The following CRACD variants were observed in gnomAD, a reference collection of about 807,000 sequenced individuals.
CRACD encodes capping protein-inhibiting regulator of actin dynamics.
CRACD carries 56 observed loss-of-function variants against 106.8 expected under a neutral mutation model. The observed-to-expected ratio is 0.52, with a 90% CI of 0.42 to 0.66. The LOEUF is 0.66. Among genes scored for constraint, CRACD ranks in the 30% least tolerant of loss-of-function variants. CRACD has a pLI of 0.00. For missense variants in CRACD, 1,730 were observed against 1,623.2 expected (o/e 1.07, Z -1.13); for synonymous variants, 754 against 670.8 (o/e 1.12, Z -1.92).
At chr4:56,237,439 A>G (rs1038952579) in intron 2 of CRACD, among the ~76,000 whole-genome samples, 1 of 152,166 alleles carries the variant, frequency 6.6e-6, no homozygotes, top group African/African-American at 2.4e-5. Context: ...AGTAAGAAAG[A>G]TGGACCTTAG....
chr4:56,133,457 C>G (rs1033106403), intron 1 of CRACD, among the ~76,000 whole-genome samples: 1 of 152,184 alleles, frequency 6.6e-6, no homozygotes, highest in Admixed American at 6.5e-5. Flanking sequence ...ATCAATCAAT[C>G]AAGCTATCAA....
rs981335130 is a variant in CRACD, at chr4:56,308,915, G to C, written c.285+1216G>C. 8 of 1,288,770 alleles carry C rather than the reference G, an allele frequency of 6.2e-6. No individual in the cohort carries two copies. The South Asian group carries it at 9.9e-5, about 16-fold the overall frequency. The allele number at this position is 1,288,770 out of a possible 1,614,324, so 79.8% of individuals were successfully genotyped here. A position where few individuals can be genotyped will look rare whatever the true frequency, so the allele number is the denominator to read the frequency against. ...GGCACTGTGGCCTGGGGGATTGTTTGTTCAGCAGGCTCTGTCTCAGATATG... is the reference window on the plus strand; with the variant it reads ...GGCACTGTGGCCTGGGGGATTGTTTCTTCAGCAGGCTCTGTCTCAGATATG... On this transcript the variant is annotated intron_variant, in intron 5 of 10. Transcript: ENST00000682029.
At chr4:56,277,427 C>A (rs1742735650) in intron 3 of CRACD, among the ~76,000 whole-genome samples, 1 of 147,782 alleles carries the variant, frequency 6.8e-6, no homozygotes. Flanking sequence ...AACTATTTGA[C>A]AAGATCCAAC....
At chr4:56,234,594 A>G (rs1406010806) in intron 2 of CRACD, among the ~76,000 whole-genome samples, 1 of 152,198 alleles carries the variant, frequency 6.6e-6, no homozygotes, top group Non-Finnish European at 1.5e-5. Context: ...TAAAAATATT[A>G]TTTTTGTAAA....
At chr4:56,130,539 ATCTT>A (rs1283218494) in intron 1 of CRACD, among the ~76,000 whole-genome samples, 2 of 151,966 alleles carry the variant, frequency 1.3e-5, no homozygotes, top group Admixed American at 1.3e-4. Context: ...ATCACTCCTT[ATCTT>A]TCTATTTTAT....
chr4:56,177,807 A>C (rs1736650884), intron 1 of CRACD, among the ~76,000 whole-genome samples: 2 of 152,166 alleles, frequency 1.3e-5, no homozygotes, highest in Non-Finnish European at 2.9e-5. Flanking sequence ...ACAATTGTTC[A>C]TAATAGTCTC....
intron 5 of CRACD, among the ~76,000 whole-genome samples, chr4:56,309,988 C>A (rs995827533): frequency 6.7e-6 from 1 of 148,266 alleles, no homozygotes; most frequent in Non-Finnish European, 1.5e-5. Context: ...AGCTGTACTC[C>A]AGCCTGGGAG....
chr4:56,248,293 G>A (rs899034930), intron 2 of CRACD, among the ~76,000 whole-genome samples: 7 of 152,084 alleles, frequency 4.6e-5, no homozygotes, highest in African/African-American at 9.7e-5. Flanking sequence ...GGAAAAATGC[G>A]CATTTGAGGG....
At chr4:56,189,934 G>T (rs1737290206) in intron 2 of CRACD, among the ~76,000 whole-genome samples, 2 of 146,420 alleles carry the variant, frequency 1.4e-5, no homozygotes, top group Non-Finnish European at 3.0e-5. Context: ...TCATCATCTA[G>T]CATTAGGTAT....
At chr4:56,064,904 G>A (rs2109789777) in intron 1 of CRACD, among the ~76,000 whole-genome samples, 1 of 152,166 alleles carries the variant, frequency 6.6e-6, no homozygotes, top group East Asian at 1.9e-4. Context: ...GGACATGGAC[G>A]GGTCCCAAAT....
intron 1 of CRACD, among the ~76,000 whole-genome samples, chr4:56,171,969 C>T (rs985751400): frequency 6.9e-5 from 10 of 145,546 alleles, no homozygotes; most frequent in Non-Finnish European, 1.2e-4. Flanking sequence ...GATGGAGGAA[C>T]AGAATTTCTG....
Position 56,183,295 on chromosome 4 carries a change from T to A in CRACD, c.-189+3865T>A, listed in dbSNP as rs182676615. On this transcript the variant is annotated intron_variant, in intron 2 of 10. Coordinates refer to ENST00000682029, the MANE Select transcript of CRACD (RefSeq NM_001393381.1). ...TAAAATAAAATAAAATAAAAAGAAT[T>A]AGGGGATTTTGAAAGCCTTGAATAT... 2.0e-3 allele frequency among the ~76,000 whole-genome samples: 299 copies of A among 149,430 alleles called. 1 individual carries two copies. The highest frequency in any genetic ancestry group is 7.0e-3 in the African/African-American group (286 of 40,814).
rs572003455 is a variant in CRACD, at chr4:56,214,652, A to ACTCT, written c.-189+35249_-189+35252dup. On this transcript the variant is annotated intron_variant, in intron 2 of 10. Transcript: ENST00000682029. ...CTCCAGCCTGGCGACAGAGCTAGAC[A>ACTCT]CTCTCTCTCTCTCTCTCTCTCTCTC... Among the ~76,000 whole-genome samples, 228 of 101,854 alleles carry ACTCT rather than the reference A, an allele frequency of 2.2e-3. 8 individuals carry two copies. Among genetic ancestry groups the ACTCT allele is most frequent in the South Asian group, 0.011 (28 of 2,512 alleles). 66.8% of individuals were successfully genotyped at this position (101,854 alleles called of 152,430 possible).
At chr4:56,064,316 C>G (rs1007626612) in intron 1 of CRACD, among the ~76,000 whole-genome samples, 1 of 152,140 alleles carries the variant, frequency 6.6e-6, no homozygotes, top group African/African-American at 2.4e-5. Flanking sequence ...GGATAGTGTT[C>G]ACATGTTTTC....
At chr4:56,164,336 G>A (rs1456892373) in intron 1 of CRACD, among the ~76,000 whole-genome samples, 13 of 151,418 alleles carry the variant, frequency 8.6e-5, no homozygotes, top group African/African-American at 2.9e-4. Flanking sequence ...AGGTTTCACC[G>A]TGTTAGCCAG....
rs1199456920 is a variant in CRACD at position 56,050,894 on chromosome 4, CA to C, written c.-336+1596del. Among the ~76,000 whole-genome samples the C allele has an allele frequency of 2.0e-5, 3 of 152,160 alleles. No homozygotes were observed. The East Asian group carries it at 5.8e-4, about 29-fold the overall frequency. The stretch of plus-strand genomic sequence containing the variant: ...TAAAGACTTAGCAGTACTTACCGAC[CA>C]CTGAATTTGGAGGAGGAAGCTAACA... On this transcript the variant is annotated intron_variant, in intron 1 of 10. Transcript: ENST00000682029.
intron 3 of CRACD, among the ~76,000 whole-genome samples, chr4:56,289,688 CA>C (rs36017998): frequency 0.56 from 68,080 of 122,224 alleles, 16,579 homozygotes; most frequent in Middle Eastern, 0.73. Context: ...GACTCTGTCT[CA>C]AAAAAAAAAA....
intron 2 of CRACD, among the ~76,000 whole-genome samples, chr4:56,214,408 C>T (rs1159033290): frequency 1.3e-5 from 2 of 151,620 alleles, no homozygotes; most frequent in Non-Finnish European, 2.9e-5. Context: ...TCCTGGCCAA[C>T]ATGGTGAAAA....
At chr4:56,255,343 T>C (rs1350168186) in intron 2 of CRACD, among the ~76,000 whole-genome samples, 1 of 152,130 alleles carries the variant, frequency 6.6e-6, no homozygotes, top group African/African-American at 2.4e-5. Flanking sequence ...TAAACACTCT[T>C]TTCTTCAGGG....
Sources: gnomAD v4.1 joint callset for allele counts (sites outside exome capture counted in the v4.1 genomes callset) on GRCh38, gnomAD v4.1.1 for gene constraint, MANE v1.5 for transcripts, NCBI Gene and HGNC (gene_info 2026-07-23, HGNC 2026-07-21) for gene names.